Variants in DLC1 observed in about 807,000 individuals in gnomAD.
DLC1 encodes DLC1 Rho GTPase activating protein, also known as rho GTPase-activating protein 7.
DLC1 carries 54 observed loss-of-function variants against 140.3 expected under a neutral mutation model. The ratio of observed to expected loss-of-function variants is 0.38; its 90% CI spans 0.31 to 0.48. The LOEUF is 0.48. DLC1 is among the 20% of genes least tolerant of loss of function. The pLI, the probability that DLC1 is intolerant of heterozygous loss-of-function variation, is 0.96. For synonymous variants in DLC1, 986 were observed against 728.1 expected, an observed-to-expected ratio of 1.35 and a Z score of -5.70; for missense variants, 2,536 against 1,907.0, an observed-to-expected ratio of 1.33 and a Z score of -6.14.
intron 5 of DLC1, among the ~76,000 whole-genome samples, chr8:13,133,906 G>T (rs1007500070): frequency 2.6e-5 from 4 of 152,164 alleles, no homozygotes; most frequent in African/African-American, 9.6e-5. Flanking sequence ...GCTAAAACCC[G>T]CATGGGTACG....
chr8:13,540,606 G>C (rs1803451157), intron 1 of DLC1, among the ~76,000 whole-genome samples: 1 of 152,164 alleles, frequency 6.6e-6, no homozygotes, highest in African/African-American at 2.4e-5. Context: ...TACAAGTATT[G>C]TTCAAAAAGC....
chr8:13,098,424 G>A lies in DLC1; in HGVS notation c.3142C>T (p.Pro1048Ser), dbSNP rs369956958. 1.2e-6 allele frequency: 2 copies of A among 1,613,984 alleles called. No homozygotes were observed. The highest frequency in any genetic ancestry group is 2.2e-5 in the East Asian group (1 of 44,892). The change falls in exon 10 of 18, where the codon CCT becomes TCT. Residue 1048 changes from proline to serine, a missense_variant. Coordinates refer to ENST00000276297, the MANE Select transcript of DLC1 (RefSeq NM_182643.3). ...KLTALLEKYT[P>S]SNKHGFSWAV... Reference sequence around the variant, plus strand: ...CAGCTAAAACCATGCTTGTTAGAAGGTGTGTATTTCTCCAGCAGGGCCGTT... The same window carrying A: ...CAGCTAAAACCATGCTTGTTAGAAGATGTGTATTTCTCCAGCAGGGCCGTT...
chr8:13,567,346 T>C (rs1346244522), intron 1 of DLC1: 24 of 1,551,554 alleles, frequency 1.5e-5, no homozygotes, highest in African/African-American at 5.5e-5. Context: ...AGATGAAGAA[T>C]TGAATGCCCT....
At chr8:13,577,833 A>C (rs2898367) in intron 1 of DLC1, among the ~76,000 whole-genome samples, 110,902 of 151,716 alleles carry the variant, frequency 0.73, 40,963 homozygotes, top group East Asian at 0.83. Flanking sequence ...GTTGGAGAGT[A>C]TCAAATTATT....
At chr8:13,136,863 T>C (rs1822598295) in intron 5 of DLC1, among the ~76,000 whole-genome samples, 1 of 152,168 alleles carries the variant, frequency 6.6e-6, no homozygotes, top group Non-Finnish European at 1.5e-5. Flanking sequence ...CATGGCTGTG[T>C]AGTTGAATAT....
intron 2 of DLC1, among the ~76,000 whole-genome samples, chr8:13,496,908 C>G (rs1034027140): frequency 6.7e-6 from 1 of 148,962 alleles, no homozygotes; most frequent in Non-Finnish European, 1.5e-5. Flanking sequence ...TCATGCCATT[C>G]TCCTGCCTCA....
chr8:13,330,806 G>A (rs1027138693), intron 4 of DLC1, among the ~76,000 whole-genome samples: 3 of 152,146 alleles, frequency 2.0e-5, no homozygotes, highest in Admixed American at 6.5e-5. Flanking sequence ...CAGACTCTCT[G>A]TGCCTCTACA....
At position 13,393,678 on chromosome 8, in the gene DLC1, A is replaced by G; in HGVS notation, c.1189T>C (p.Ser397Pro). The change falls in exon 4 of 18, where the codon TCT (serine) becomes CCT (proline). Residue 397 changes from serine to proline, a missense_variant. Ser to Pro is a moderately conservative substitution (Grantham distance 74, BLOSUM62 -1). Coordinates refer to ENST00000276297, the MANE Select transcript of DLC1 (RefSeq NM_182643.3). ...RRHVPDLESG[S>P]ESGADTISVN... is the part of the protein sequence containing the mutation. ...GAAATGGTATCTGCTCCACTTTCAG[A>G]TCCTGATTCCAGATCCTATTAAAAA... 6.2e-7 allele frequency: 1 copy of G among 1,613,810 alleles called. No individual in the cohort carries two copies. The highest frequency in any genetic ancestry group is 2.2e-5 in the East Asian group (1 of 44,868).
chr8:13,133,364 A>C, intron 5 of DLC1: 35 of 1,019,570 alleles, frequency 3.4e-5, no homozygotes, highest in Non-Finnish European at 4.1e-5. Flanking sequence ...AGCGGGCGGC[A>C]CCGCCTCCTC....
intron 1 of DLC1, among the ~76,000 whole-genome samples, chr8:13,524,832 T>C (rs564946506): frequency 3.3e-5 from 5 of 152,336 alleles, no homozygotes; most frequent in African/African-American, 1.2e-4. Flanking sequence ...ACCAGGTTTA[T>C]TGAGAGTTAA....
chr8:13,578,606 C>T (rs532449256), intron 1 of DLC1, among the ~76,000 whole-genome samples: 2 of 152,158 alleles, frequency 1.3e-5, no homozygotes, highest in South Asian at 2.1e-4. Flanking sequence ...ATCCAGGGTT[C>T]CCAGGACCCT....
intron 5 of DLC1, among the ~76,000 whole-genome samples, chr8:13,132,123 T>A (rs1310782510): frequency 6.6e-6 from 1 of 151,950 alleles, no homozygotes; most frequent in Non-Finnish European, 1.5e-5. Flanking sequence ...GGCCTCCTTG[T>A]CCGGGTCAAG....
intron 14 of DLC1, among the ~76,000 whole-genome samples, 164 bp downstream of exon 14, chr8:13,091,154 G>C (rs562782126): frequency 1.7e-4 from 26 of 152,216 alleles, no homozygotes; most frequent in African/African-American, 6.0e-4. Context: ...ATTAACTCTA[G>C]CTGATACATT....
intron 5 of DLC1, among the ~76,000 whole-genome samples, chr8:13,267,831 AG>A (rs1467252778): frequency 6.6e-6 from 1 of 151,348 alleles, no homozygotes; most frequent in Non-Finnish European, 1.5e-5. Context: ...CCAAGAGAGA[AG>A]GGTTACATTA....
intron 5 of DLC1, among the ~76,000 whole-genome samples, chr8:13,177,924 C>CA (rs1053555640): frequency 6.6e-5 from 10 of 151,126 alleles, no homozygotes; most frequent in South Asian, 4.2e-4. Flanking sequence ...TGTTAGACCC[C>CA]AAAAAAAAGG....
At chr8:13,521,878 T>G (rs964533314) in intron 1 of DLC1, among the ~76,000 whole-genome samples, 2 of 152,196 alleles carry the variant, frequency 1.3e-5, no homozygotes, top group African/African-American at 4.8e-5. Flanking sequence ...TCAAGTGATA[T>G]TAACTGTGTA....
intron 5 of DLC1, among the ~76,000 whole-genome samples, chr8:13,266,630 A>G (rs1053444653): frequency 6.6e-6 from 1 of 152,174 alleles, no homozygotes; most frequent in Non-Finnish European, 1.5e-5. Context: ...CTGTAGTCCC[A>G]GCTACTCGGG....
At chr8:13,505,906 C>A (rs11780186) in intron 1 of DLC1, among the ~76,000 whole-genome samples, 3,500 of 152,274 alleles carry the variant, frequency 0.023, 58 homozygotes, top group Non-Finnish European at 0.034. Flanking sequence ...TACATTAGTA[C>A]ATGCACATAA....
intron 5 of DLC1, among the ~76,000 whole-genome samples, chr8:13,123,962 GTATAAA>G (rs1585698787): frequency 1.3e-5 from 2 of 152,072 alleles, no homozygotes; most frequent in Admixed American, 6.5e-5. Flanking sequence ...ATATATGTGT[GTATAAA>G]TATAAGTACA....
Sources: allele counts gnomAD v4.1 joint callset (sites outside exome capture counted in the v4.1 genomes callset), GRCh38; gene constraint gnomAD v4.1.1; transcripts MANE v1.5; gene names NCBI Gene and HGNC (gene_info 2026-07-23, HGNC 2026-07-21).